Variants in POU6F1 observed in about 807,000 individuals in gnomAD.
POU6F1 encodes POU domain, class 6, transcription factor 1.
A neutral mutation model predicts 28.9 loss-of-function variants in POU6F1; 9 were observed. That is an observed-to-expected ratio of 0.31 (90% CI 0.19 to 0.54). POU6F1 has a LOEUF of 0.54. POU6F1 is among the 20% of genes least tolerant of loss of function. The probability of loss-of-function intolerance (pLI) is 0.94; values close to 1 mark genes in which losing one functional copy is unlikely to be tolerated. For synonymous variants in POU6F1, 173 were observed against 171.1 expected (o/e 1.01, Z -0.09); for missense variants, 338 against 426.1 (o/e 0.79, Z 1.82).
At chr12:51,212,156 C>T (rs1032320464) in intron 1 of POU6F1, among the ~76,000 whole-genome samples, 1 of 151,880 alleles carries the variant, frequency 6.6e-6, no homozygotes, top group Non-Finnish European at 1.5e-5. Context: ...TCCAGTGGCA[C>T]AATCTCGGCT....
Position 51,196,918 on chromosome 12 carries a change from C to A in POU6F1, c.856G>T (p.Ala286Ser). Residue 286 changes from alanine (A) to serine (S), a missense_variant, in exon 7 of 11, where the codon GCT (alanine) becomes TCT (serine). By Grantham distance (99) the Ala-to-Ser change is moderately conservative. Transcript: ENST00000333640. ...FAFSPGIISA[A>S]SLGGQTQILG... The stretch of plus-strand genomic sequence containing the variant: ...ATCTGGGTCTGTCCCCCGAGGGAAG[C>A]AGCACTGATCTGTGGGTGGAGGAAG... 1.9e-6 allele frequency: 3 copies of A among 1,573,724 alleles called. No homozygotes were observed. Among genetic ancestry groups the A allele is most frequent in the South Asian group, 2.2e-5 (2 of 89,640 alleles).
rs1942219523 is a variant in POU6F1 at position 51,188,928 on chromosome 12, G to T, written c.*1319C>A. 6.6e-6 allele frequency: 1 copy of T among 152,074 alleles called. No individual in the cohort carries two copies. The highest frequency in any genetic ancestry group is 6.6e-5 in the Admixed American group (1 of 15,256). The allele number at this position is 152,074 out of a possible 1,614,324, so 9.4% of individuals were successfully genotyped here. A position where few individuals can be genotyped will look rare whatever the true frequency, so the allele number is the denominator to read the frequency against. ...TGGAGTTACATACTGAATTTTAGGG[G>T]CTTTCCAGCCACAGTGAGGCTGGAA... On this transcript the variant is annotated 3_prime_UTR_variant, in exon 11 of 11. Transcript: ENST00000333640.
Position 51,209,960 on chromosome 12 carries a change from A to AT in POU6F1, c.-47-3078dup, listed in dbSNP as rs539622829. 5.6e-3 allele frequency among the ~76,000 whole-genome samples: 837 copies of AT among 149,482 alleles called. 4 individuals carry two copies. The highest frequency in any genetic ancestry group is 7.8e-3 in the Non-Finnish European group (525 of 67,156). On this transcript the variant is annotated intron_variant, in intron 1 of 10. Transcript: ENST00000333640. ...CTTCTTAGGTGATGTCTCCCCTCAG[A>AT]TTTTTTTTTTGTTTTGAGATAGGGT... is the stretch of plus-strand genomic sequence containing the variant.
intron 1 of POU6F1, among the ~76,000 whole-genome samples, chr12:51,212,417 T>A (rs1944056405): frequency 6.6e-6 from 1 of 151,830 alleles, no homozygotes; most frequent in African/African-American, 2.4e-5. Flanking sequence ...CAACGCATGT[T>A]TCAGTGGCTA....
Position 51,191,683 on chromosome 12 carries a change from C to T in POU6F1, c.1403G>A (p.Arg468Gln). The change falls in exon 10 of 11, where the codon CGG becomes CAG. Residue 468 changes from arginine to glutamine, a missense_variant. Arg to Gln is a conservative substitution (Grantham distance 43). Coordinates refer to ENST00000333640, the MANE Select transcript of POU6F1 (RefSeq NM_001330422.2). ...GGTCTGTGTAAGGCCCAGCGAGAGC[C>T]GCCGGATCTTAAAGTTCTTGGCAAA... ...REFAKNFKIR[R>Q]LSLGLTQTQV... is the part of the protein sequence containing the mutation. 1.9e-6 allele frequency: 3 copies of T among 1,614,166 alleles called. No homozygotes were observed. Among genetic ancestry groups the T allele is most frequent in the South Asian group, 1.1e-5 (1 of 91,086 alleles).
Position 51,189,924 on chromosome 12 carries a change from G to T in POU6F1, c.*323C>A, listed in dbSNP as rs1466955972. On this transcript the variant is annotated 3_prime_UTR_variant, in exon 11 of 11. Transcript: ENST00000333640. ...CTGCTTTAGCCCTGCCCCAAAGACA[G>T]GGAGTTTCTGGTTCCCCACCAGAAT... The T allele has an allele frequency of 2.9e-6, 1 of 348,460 alleles. No individual in the cohort carries two copies. The highest frequency in any genetic ancestry group is 5.4e-6 in the Non-Finnish European group (1 of 185,708). The allele number at this position is 348,460 out of a possible 1,614,324, so 21.6% of individuals were successfully genotyped here.
chr12:51,208,385 G>C (rs1454853425), intron 1 of POU6F1, among the ~76,000 whole-genome samples: 1 of 152,174 alleles, frequency 6.6e-6, no homozygotes, highest in African/African-American at 2.4e-5. Context: ...CATTTATTTC[G>C]AGTGCATATT....
chr12:51,206,063 C>A (rs1213883824), intron 2 of POU6F1, among the ~76,000 whole-genome samples: 16 of 149,314 alleles, frequency 1.1e-4, no homozygotes, highest in Admixed American at 5.3e-4. Flanking sequence ...AGGTGATCCA[C>A]CCACCTCGGC....
In POU6F1 at chr12:51,204,277, T is replaced by A. The variant is rs963713445; in HGVS notation, c.140A>T (p.Glu47Val). 1.3e-5 allele frequency: 5 copies of A among 399,018 alleles called. No homozygotes were observed. Among genetic ancestry groups the A allele is most frequent in the African/African-American group, 1.0e-4 (5 of 48,602 alleles). The allele number at this position is 399,018 out of a possible 1,614,324, so 24.7% of individuals were successfully genotyped here. A position where few individuals can be genotyped will look rare whatever the true frequency, so the allele number is the denominator to read the frequency against. Residue 47 changes from glutamate (E) to valine (V), a missense_variant, in exon 3 of 11, where the codon GAG becomes GTG. Glu to Val is a moderately radical substitution (Grantham distance 121). Coordinates refer to ENST00000333640, the MANE Select transcript of POU6F1 (RefSeq NM_001330422.2). ...CTGGGAGCCCTCGGCGGCCACACCCTCCAGTCCTTTGCTCTCTTCCTCAGC... is the reference window on the plus strand; with the variant it reads ...CTGGGAGCCCTCGGCGGCCACACCCACCAGTCCTTTGCTCTCTTCCTCAGC... ...LPAEEESKGLEGVAAEGSQSG... is the reference protein window; with the variant it reads ...LPAEEESKGLVGVAAEGSQSG...
chr12:51,197,672 G>A (rs574659552), intron 6 of POU6F1, 98 bp downstream of exon 6: 35 of 391,840 alleles, frequency 8.9e-5, no homozygotes, highest in Admixed American at 1.3e-4. Context: ...GGCTGTTTTC[G>A]GGGGGGGCTC....
chr12:51,190,256 C>G lies in POU6F1; in HGVS notation c.1827G>C (p.Gln609His), dbSNP rs561315684. The G allele has an allele frequency of 1.1e-5, 18 of 1,614,092 alleles. No homozygotes were observed. In the South Asian group the frequency reaches 1.5e-4, roughly 14 times the overall value. ...GGCCAGGGGCTGAGCCCTAAGGGAT[C>G]TGAAAGACGTTCAGCTTGCTGGTGT... The part of the protein sequence containing the change: ...LKNTSKLNVF[Q>H]IP The change falls in exon 11 of 11, where the codon CAG (glutamine) becomes CAC (histidine). Residue 609 changes from glutamine to histidine, a missense_variant. This residue lies in a region of POU6F1 where 126 missense variants were observed against 176.5 expected (regional missense o/e 0.71). Transcript: ENST00000333640. This position sits in a 1 kb window ranked among gnomAD's most constrained non-coding sequence, Gnocchi z 4.5.
intron 1 of POU6F1, among the ~76,000 whole-genome samples, chr12:51,214,898 G>A (rs914509385): frequency 2.0e-5 from 3 of 152,094 alleles, no homozygotes. Flanking sequence ...AGGTGAAGCT[G>A]CAGTGAGCCA....
rs950819666 is a variant in POU6F1 at position 51,199,854 on chromosome 12, C to T, written c.259G>A (p.Gly87Arg). ...GCAGTGGCAGGGCTCGGAGGGATCC[C>T]CGGGGGTGACTTCACTTCACAAGGC... ...SAEATVKSPPGIPPSPATAIA... is the reference protein window; with the variant it reads ...SAEATVKSPPRIPPSPATAIA... The change falls in exon 4 of 11, where the codon GGG becomes AGG. Residue 87 changes from glycine (G) to arginine (R), a missense_variant. Gly to Arg is a moderately radical substitution (Grantham distance 125). Coordinates refer to ENST00000333640, the MANE Select transcript of POU6F1 (RefSeq NM_001330422.2). This position sits in a 1 kb window ranked among gnomAD's most constrained non-coding sequence, Gnocchi z 4.1. 4 of 399,276 alleles carry T rather than the reference C, an allele frequency of 1.0e-5. No individual in the cohort carries two copies. Among genetic ancestry groups the T allele is most frequent in the Non-Finnish European group, 1.8e-5 (4 of 226,204 alleles). The allele number at this position is 399,276 out of a possible 1,614,324, so 24.7% of individuals were successfully genotyped here.
At chr12:51,200,710 T>C (rs1943154641) in intron 3 of POU6F1, among the ~76,000 whole-genome samples, 1 of 152,136 alleles carries the variant, frequency 6.6e-6, no homozygotes, top group Non-Finnish European at 1.5e-5. Context: ...TTTTTTGAGA[T>C]GGAGTCTTGC....
intron 8 of POU6F1, among the ~76,000 whole-genome samples, chr12:51,195,124 C>G (rs1027575044): frequency 2.6e-5 from 4 of 152,184 alleles, no homozygotes; most frequent in African/African-American, 9.7e-5. Context: ...ACATCCAACT[C>G]ATCCCTTTTT....
intron 1 of POU6F1, among the ~76,000 whole-genome samples, chr12:51,210,429 C>T (rs1316677115): frequency 2.0e-5 from 3 of 152,180 alleles, no homozygotes; most frequent in South Asian, 2.1e-4. Context: ...GGTCATTAGG[C>T]GTAAGGCAGC....
In POU6F1 at chr12:51,189,491, C is replaced by G. The variant is rs1470091466; in HGVS notation, c.*756G>C. The G allele has an allele frequency of 6.6e-6, 1 of 152,174 alleles. No homozygotes were observed. 9.4% of individuals were successfully genotyped at this position (152,174 alleles called of 1,614,324 possible). ...TTCTAAATTCCCAACCTTCTGCAGA[C>G]CCAGGAGAACTCCAGAACAGGTAGA... On this transcript the variant is annotated 3_prime_UTR_variant, in exon 11 of 11. Coordinates refer to ENST00000333640, the MANE Select transcript of POU6F1 (RefSeq NM_001330422.2).
intron 3 of POU6F1, among the ~76,000 whole-genome samples, chr12:51,202,905 T>C (rs990661992): frequency 3.3e-5 from 5 of 152,228 alleles, no homozygotes; most frequent in East Asian, 1.9e-4. Context: ...CACAAACCAA[T>C]AGATTCTGTT....
chr12:51,197,351 T>G (rs1350105313), intron 6 of POU6F1, among the ~76,000 whole-genome samples: 1 of 151,762 alleles, frequency 6.6e-6, no homozygotes, highest in South Asian at 2.1e-4. Context: ...CCTGGGAGGG[T>G]AGAAGGGCCA....
Sources: gnomAD v4.1 joint callset for allele counts (sites outside exome capture counted in the v4.1 genomes callset) on GRCh38, gnomAD v4.1.1 for gene constraint, gnomAD v4.1.1 regional missense constraint, Gnocchi (gnomAD v3.1) non-coding constraint, MANE v1.5 for transcripts, NCBI Gene and HGNC (gene_info 2026-07-23, HGNC 2026-07-21) for gene names.